MAPKAP1: variants seen among roughly 807,000 people sequenced by gnomAD.
MAPKAP1 encodes the protein target of rapamycin complex 2 subunit MAPKAP1.
A neutral mutation model predicts 65.7 loss-of-function variants in MAPKAP1; 20 were observed. The ratio of observed to expected loss-of-function variants is 0.30; its 90% CI spans 0.21 to 0.44. The LOEUF (loss-of-function observed/expected upper bound fraction) is 0.44. Ranked by LOEUF, MAPKAP1 falls within the 20% of genes least tolerant of loss-of-function variation. The pLI is 1.00. For missense variants in MAPKAP1, 423 were observed against 648.0 expected, an observed-to-expected ratio of 0.65 and a Z score of 3.77; for synonymous variants, 222 against 244.3, an observed-to-expected ratio of 0.91 and a Z score of 0.85.
chr9:125,599,169 A>T lies in MAPKAP1; in HGVS notation c.499-13442T>A, dbSNP rs145626747. ...TTTTATATCAATAGACTTAAAAAAA[A>T]ATATTGCTGTTCATAGACTTTTGAA... On this transcript the variant is annotated intron_variant, in intron 4 of 11. Transcript: ENST00000265960. 5.0e-3 allele frequency among the ~76,000 whole-genome samples: 757 copies of T among 152,284 alleles called. 5 individuals are homozygous for T. Among genetic ancestry groups the T allele is most frequent in the African/African-American group, 0.017 (696 of 41,560 alleles).
chr9:125,505,163 G>A (rs1402391024), intron 8 of MAPKAP1, among the ~76,000 whole-genome samples: 1 of 152,212 alleles, frequency 6.6e-6, no homozygotes, highest in East Asian at 1.9e-4. Flanking sequence ...CGGGCGCGGT[G>A]GCTCACGCCT....
intron 10 of MAPKAP1, 152 bp from the exon 11 acceptor site, chr9:125,444,750 C>T: frequency 1.8e-6 from 1 of 558,552 alleles, no homozygotes; most frequent in South Asian, 2.6e-5. Context: ...TTTCTCATTA[C>T]AGGCTGGGTA....
At chr9:125,677,493 C>T (rs1321137808) in intron 1 of MAPKAP1, among the ~76,000 whole-genome samples, 3 of 151,950 alleles carry the variant, frequency 2.0e-5, no homozygotes, top group African/African-American at 4.8e-5. Flanking sequence ...GTCAGGAGTT[C>T]GAGACTAGCC....
intron 8 of MAPKAP1, among the ~76,000 whole-genome samples, chr9:125,493,660 T>C (rs960174002): frequency 7.2e-5 from 11 of 152,194 alleles, no homozygotes; most frequent in African/African-American, 2.7e-4. Context: ...CCCAACAGAC[T>C]AGGTTTGTCA....
chr9:125,630,699 A>G (rs561795665), intron 4 of MAPKAP1, among the ~76,000 whole-genome samples: 1 of 152,272 alleles, frequency 6.6e-6, no homozygotes, highest in East Asian at 1.9e-4. Context: ...GTCCTCTTCA[A>G]ACCTTATGTT....
chr9:125,466,698 A>T (rs1011287323), intron 10 of MAPKAP1, among the ~76,000 whole-genome samples: 1 of 152,164 alleles, frequency 6.6e-6, no homozygotes, highest in African/African-American at 2.4e-5. Context: ...AGCCTTTTGC[A>T]GGGTCGGAGG....
intron 4 of MAPKAP1, among the ~76,000 whole-genome samples, chr9:125,591,647 C>T (rs1831968427): frequency 1.3e-5 from 2 of 152,130 alleles, no homozygotes; most frequent in South Asian, 2.1e-4. Context: ...GCCTTGCACA[C>T]TGAAATTACA....
chr9:125,495,452 G>A (rs1264712321), intron 8 of MAPKAP1, among the ~76,000 whole-genome samples: 1 of 152,156 alleles, frequency 6.6e-6, no homozygotes, highest in Non-Finnish European at 1.5e-5. Flanking sequence ...CTGCTCTAAT[G>A]TACCAGTGTA....
chr9:125,638,223 C>T (rs1833481387), intron 4 of MAPKAP1, among the ~76,000 whole-genome samples: 1 of 152,172 alleles, frequency 6.6e-6, no homozygotes, highest in Non-Finnish European at 1.5e-5. Context: ...CACCAATGAA[C>T]AGGACAAACC....
At chr9:125,651,974 T>C (rs1833906947) in intron 4 of MAPKAP1, 1 of 527,728 alleles carries the variant, frequency 1.9e-6, no homozygotes, top group Non-Finnish European at 2.6e-6. Flanking sequence ...TTTTTTTTCT[T>C]TGGGAAAGAG....
At chr9:125,671,635 C>T (rs983030744) in intron 2 of MAPKAP1, among the ~76,000 whole-genome samples, 2 of 151,722 alleles carry the variant, frequency 1.3e-5, no homozygotes, top group African/African-American at 4.8e-5. Flanking sequence ...TGAAACAAGG[C>T]CACCAAAAAA....
intron 4 of MAPKAP1, among the ~76,000 whole-genome samples, chr9:125,640,990 T>C (rs1833561791): frequency 6.6e-6 from 1 of 152,220 alleles, no homozygotes; most frequent in Admixed American, 6.5e-5. Flanking sequence ...GATTCAAAGC[T>C]GGCCCTACCG....
chr9:125,456,348 C>T (rs554548066), intron 10 of MAPKAP1, among the ~76,000 whole-genome samples: 26 of 152,278 alleles, frequency 1.7e-4, no homozygotes, highest in African/African-American at 5.8e-4. Context: ...TATGTTAGAA[C>T]ACTTGCTATG....
chr9:125,625,255 T>TAAAAAAAAAAAAAAAAAAAAAAAAA (rs58671780), intron 4 of MAPKAP1, among the ~76,000 whole-genome samples: 40 of 64,622 alleles, frequency 6.2e-4, no homozygotes, highest in African/African-American at 1.2e-3. Flanking sequence ...AATAAATAAA[T>TAAAAAAAAAAAAAAAAAAAAAAAAA]AAAAAAAAAA....
At chr9:125,620,723 T>C (rs1465852132) in intron 4 of MAPKAP1, among the ~76,000 whole-genome samples, 1 of 152,104 alleles carries the variant, frequency 6.6e-6, no homozygotes, top group East Asian at 1.9e-4. Context: ...AGATTTCCAA[T>C]CACATTGTTA....
chr9:125,576,610 A>C (rs890429254), intron 5 of MAPKAP1, among the ~76,000 whole-genome samples: 8 of 151,870 alleles, frequency 5.3e-5, no homozygotes, highest in Admixed American at 3.3e-4. Context: ...GCTCACTGCA[A>C]CCTCCCTGCC....
intron 5 of MAPKAP1, among the ~76,000 whole-genome samples, chr9:125,581,762 A>C: frequency 6.6e-6 from 1 of 151,916 alleles, no homozygotes; most frequent in East Asian, 1.9e-4. Flanking sequence ...CTTGTGATTT[A>C]TTTTTAATTA....
intron 4 of MAPKAP1, among the ~76,000 whole-genome samples, chr9:125,629,435 T>C (rs1046739309): frequency 5.3e-5 from 8 of 152,296 alleles, no homozygotes; most frequent in Non-Finnish European, 8.8e-5. Context: ...AAGAAGGAAA[T>C]CCTGTCCTAT....
chr9:125,518,423 T>G, intron 7 of MAPKAP1, among the ~76,000 whole-genome samples: 1 of 151,794 alleles, frequency 6.6e-6, no homozygotes, highest in East Asian at 2.0e-4. Context: ...ACATCTGTAA[T>G]CCCAACACTT....
Sources: allele counts gnomAD v4.1 joint callset (sites outside exome capture counted in the v4.1 genomes callset), GRCh38; gene constraint gnomAD v4.1.1; transcripts MANE v1.5; gene names NCBI Gene and HGNC (gene_info 2026-07-23, HGNC 2026-07-21).